The following EPHX4 variants were observed in gnomAD, a reference collection of about 807,000 sequenced individuals.
EPHX4 encodes the protein epoxide hydrolase 4, also known as abhydrolase domain containing 7.
Under a neutral mutation model 44.9 loss-of-function variants are expected in EPHX4, and 31 were observed. The observed-to-expected ratio is 0.69, with a 90% CI of 0.52 to 0.93. The LOEUF is 0.93. EPHX4 is among the 40% of genes least tolerant of loss of function. The probability of loss-of-function intolerance (pLI) is 0.00; values close to 1 mark genes in which losing one functional copy is unlikely to be tolerated. For missense variants in EPHX4, 373 were observed against 438.1 expected (o/e 0.85, Z 1.33); for synonymous variants, 151 against 159.7 (o/e 0.95, Z 0.41).
chr1:92,049,617 A>G (rs1304835575), intron 4 of EPHX4, among the ~76,000 whole-genome samples: 1 of 152,214 alleles, frequency 6.6e-6, no homozygotes, highest in Non-Finnish European at 1.5e-5. Context: ...TTTTGAGGCC[A>G]GATGAACAAG....
intron 2 of EPHX4, among the ~76,000 whole-genome samples, chr1:92,036,666 C>T (rs1483749534): frequency 6.6e-6 from 1 of 152,158 alleles, no homozygotes; most frequent in African/African-American, 2.4e-5. Flanking sequence ...CCAGAAAGAA[C>T]ATTGGTAGAA....
chr1:92,055,668 T>C (rs1257694165), intron 6 of EPHX4, among the ~76,000 whole-genome samples: 1 of 152,146 alleles, frequency 6.6e-6, no homozygotes, highest in African/African-American at 2.4e-5. Flanking sequence ...TTGTTTGTTT[T>C]TGTTTTTTGT....
intron 6 of EPHX4, among the ~76,000 whole-genome samples, chr1:92,055,670 G>GT (rs1204320575): frequency 6.6e-6 from 1 of 151,838 alleles, no homozygotes; most frequent in Admixed American, 6.6e-5. Context: ...GTTTGTTTTT[G>GT]TTTTTTGTTT....
chr1:92,051,283 A>G (rs1647246101), intron 5 of EPHX4, among the ~76,000 whole-genome samples: 1 of 152,022 alleles, frequency 6.6e-6, no homozygotes, highest in South Asian at 2.1e-4. Flanking sequence ...ATCAAACCTA[A>G]CAGAATAAAT....
In EPHX4 at chr1:92,062,584, C is replaced by CAAAA. The variant is rs1167530513; in HGVS notation, c.858-448_858-445dup. 3.5e-4 allele frequency among the ~76,000 whole-genome samples: 7 copies of CAAAA among 20,094 alleles called. 1 individual carries two copies. The highest frequency in any genetic ancestry group is 5.0e-4 in the Non-Finnish European group (4 of 7,972). The allele number at this position is 20,094 out of a possible 152,430, so 13.2% of individuals were successfully genotyped here. On this transcript the variant is annotated intron_variant, in intron 6 of 6. Coordinates refer to ENST00000370383, the MANE Select transcript of EPHX4 (RefSeq NM_173567.5). ...TGGGTGACAGAGTGAAACTCCATCT[C>CAAAA]AAAAAAAAAAAAAAAAAAAAAAAAA...
At position 92,063,225 on chromosome 1, in the gene EPHX4, C is replaced by A; in HGVS notation, c.1028C>A (p.Pro343His). Residue 343 changes from proline to histidine, a missense_variant, in exon 7 of 7, where the codon CCT (proline) becomes CAT (histidine). Pro to His is a moderately conservative substitution (Grantham distance 77, BLOSUM62 -2). Coordinates refer to ENST00000370383, the MANE Select transcript of EPHX4 (RefSeq NM_173567.5). ...EASHWLQQDQ[P>H]DIVNKLIWTF... ...AGTCATTGGCTTCAGCAAGACCAACCTGACATAGTGAACAAATTGATATGG... is the reference window on the plus strand; with the variant it reads ...AGTCATTGGCTTCAGCAAGACCAACATGACATAGTGAACAAATTGATATGG... The A allele has an allele frequency of 6.2e-7, 1 of 1,613,754 alleles. No homozygotes were observed. Among genetic ancestry groups the A allele is most frequent in the Non-Finnish European group, 8.5e-7 (1 of 1,179,816 alleles).
chr1:92,042,711 C>G, intron 2 of EPHX4, 112 bp from the exon 3 acceptor site: 1 of 972,258 alleles, frequency 1.0e-6, no homozygotes, highest in Non-Finnish European at 1.4e-6. Context: ...GGTGACAGAG[C>G]AAAACTCTGT....
At chr1:92,049,918 C>T (rs111939239) in intron 4 of EPHX4, among the ~76,000 whole-genome samples, 2,806 of 151,746 alleles carry the variant, frequency 0.018, 49 homozygotes, top group African/African-American at 0.042. Flanking sequence ...GCCAACATGG[C>T]GAAACTCTGC....
At chr1:92,059,345 G>A (rs190184518) in intron 6 of EPHX4, among the ~76,000 whole-genome samples, 1 of 152,236 alleles carries the variant, frequency 6.6e-6, no homozygotes, top group Admixed American at 6.5e-5. Flanking sequence ...GTCGAGGCAT[G>A]AGAATCGCTT....
At position 92,042,921 on chromosome 1, in the gene EPHX4, G is replaced by C. The variant is rs201582889; in HGVS notation, c.416G>C (p.Arg139Pro). ...GGAGAAACAGATGCTCCCATTCATC[G>C]ACAGAATTATAAATTGGATTGTCTA... ...GYGETDAPIH[R>P]QNYKLDCLIT... Residue 139 changes from arginine to proline, a missense_variant, in exon 3 of 7, where the codon CGA becomes CCA. Transcript: ENST00000370383. The C allele has an allele frequency of 6.2e-7, 1 of 1,612,740 alleles. No individual in the cohort carries two copies. The highest frequency in any genetic ancestry group is 1.1e-5 in the South Asian group (1 of 90,996).
chr1:92,042,115 C>G (rs1342604808), intron 2 of EPHX4, among the ~76,000 whole-genome samples: 1 of 152,006 alleles, frequency 6.6e-6, no homozygotes, highest in Non-Finnish European at 1.5e-5. Context: ...AATCCTAGCA[C>G]TTTGGGAGGC....
intron 2 of EPHX4, among the ~76,000 whole-genome samples, chr1:92,039,100 C>T (rs1206956328): frequency 6.6e-6 from 1 of 152,142 alleles, no homozygotes; most frequent in Non-Finnish European, 1.5e-5. Flanking sequence ...TGTTATAAAG[C>T]AAATGACAGA....
intron 6 of EPHX4, among the ~76,000 whole-genome samples, chr1:92,061,275 C>A (rs1200897293): frequency 1.3e-5 from 2 of 152,096 alleles, no homozygotes; most frequent in Non-Finnish European, 1.5e-5. Context: ...GTATTACAAC[C>A]AAATGGTGGC....
intron 2 of EPHX4, among the ~76,000 whole-genome samples, chr1:92,032,836 T>G (rs769107333): frequency 2.0e-5 from 3 of 152,152 alleles, no homozygotes; most frequent in Admixed American, 6.5e-5. Flanking sequence ...GAAATTGCCC[T>G]TTCATAGTGG....
intron 6 of EPHX4, among the ~76,000 whole-genome samples, chr1:92,060,958 G>A (rs1647482686): frequency 6.6e-6 from 1 of 151,314 alleles, no homozygotes; most frequent in Non-Finnish European, 1.5e-5. Flanking sequence ...TTGGCTCACT[G>A]CAACCTCTGC....
intron 6 of EPHX4, among the ~76,000 whole-genome samples, chr1:92,057,595 A>T (rs950903135): frequency 6.6e-6 from 1 of 150,636 alleles, no homozygotes; most frequent in Admixed American, 6.6e-5. Flanking sequence ...ATGGTTTTAC[A>T]GGTAAGTTTG....
intron 2 of EPHX4, among the ~76,000 whole-genome samples, chr1:92,035,635 G>A (rs1688426739): frequency 6.6e-6 from 1 of 152,074 alleles, no homozygotes; most frequent in African/African-American, 2.4e-5. Flanking sequence ...TTAAGTTCTG[G>A]AATACATGTG....
chr1:92,059,599 C>T (rs780245250), intron 6 of EPHX4, among the ~76,000 whole-genome samples: 1 of 151,990 alleles, frequency 6.6e-6, no homozygotes, highest in Non-Finnish European at 1.5e-5. Flanking sequence ...GGAGAATCTA[C>T]AGAAAAATTA....
At chr1:92,040,137 CTCTT>C (rs1264949939) in intron 2 of EPHX4, among the ~76,000 whole-genome samples, 1 of 150,484 alleles carries the variant, frequency 6.6e-6, no homozygotes, top group East Asian at 2.0e-4. Flanking sequence ...GTGTCTGACA[CTCTT>C]CCTGATGATA....
Sources: allele counts gnomAD v4.1 joint callset (sites outside exome capture counted in the v4.1 genomes callset), GRCh38; gene constraint gnomAD v4.1.1; transcripts MANE v1.5; gene names NCBI Gene and HGNC (gene_info 2026-07-23, HGNC 2026-07-21).